The following ALK variants were observed in gnomAD, a reference collection of about 807,000 sequenced individuals.
The protein encoded by ALK is ALK tyrosine kinase receptor.
A neutral mutation model predicts 163.1 loss-of-function variants in ALK; 74 were observed. The observed-to-expected ratio is 0.45, with a 90% CI of 0.38 to 0.55. The LOEUF is 0.55. Ranked by LOEUF, ALK falls within the 20% of genes least tolerant of loss-of-function variation. ALK has a pLI of 0.00. For synonymous variants in ALK, 960 were observed against 843.2 expected (o/e 1.14, Z -2.40); for missense variants, 2,063 against 2,105.3 (o/e 0.98, Z 0.39).
chr2:29,208,895 G>C (rs987570445), intron 25 of ALK, among the ~76,000 whole-genome samples: 2 of 151,410 alleles, frequency 1.3e-5, no homozygotes, highest in Non-Finnish European at 2.9e-5. Context: ...AATTAAAGTA[G>C]TATTAGCTTT....
Position 29,473,370 on chromosome 2 carries a change from T to C in ALK, c.1154+58545A>G, listed in dbSNP as rs1425904514. 5.9e-5 allele frequency among the ~76,000 whole-genome samples: 9 copies of C among 152,174 alleles called. No individual in the cohort carries two copies. The East Asian group carries it at 7.7e-4, about 13-fold the overall frequency. ...ACAATAAAGTTTCTAGAAGATGACA[T>C]AGAAGAATATATTTATGATATCAAG... On this transcript the variant is annotated intron_variant, in intron 4 of 28. Coordinates refer to ENST00000389048, the MANE Select transcript of ALK (RefSeq NM_004304.5).
At chr2:29,525,555 G>C (rs1263925502) in intron 4 of ALK, among the ~76,000 whole-genome samples, 1 of 152,066 alleles carries the variant, frequency 6.6e-6, no homozygotes, top group Non-Finnish European at 1.5e-5. Context: ...ACTTTGGGAG[G>C]CTGAGGTGGG....
intron 1 of ALK, among the ~76,000 whole-genome samples, chr2:29,824,706 C>T (rs1558504912): frequency 6.6e-6 from 1 of 152,172 alleles, no homozygotes; most frequent in Non-Finnish European, 1.5e-5. Context: ...TGCCTGTACC[C>T]CCATTGTATC....
At chr2:29,329,776 A>G (rs1487256730) in intron 5 of ALK, among the ~76,000 whole-genome samples, 1 of 152,220 alleles carries the variant, frequency 6.6e-6, no homozygotes, top group Non-Finnish European at 1.5e-5. Flanking sequence ...TGAAACTAAC[A>G]TGAAGCCCAG....
chr2:29,687,521 T>C (rs1390990474), intron 3 of ALK, among the ~76,000 whole-genome samples: 2 of 152,084 alleles, frequency 1.3e-5, no homozygotes, highest in Non-Finnish European at 2.9e-5. Flanking sequence ...GATAATTTTT[T>C]ATTCCTTTGT....
chr2:29,561,227 T>A (rs148062601), intron 3 of ALK, among the ~76,000 whole-genome samples: 121 of 152,284 alleles, frequency 7.9e-4, no homozygotes, highest in African/African-American at 2.6e-3. Context: ...CTTTAGATGA[T>A]CCCACGATAG....
At chr2:29,459,310 C>T (rs1446351219) in intron 4 of ALK, among the ~76,000 whole-genome samples, 1 of 152,100 alleles carries the variant, frequency 6.6e-6, no homozygotes, top group East Asian at 1.9e-4. Flanking sequence ...CCAACATCCA[C>T]ATTTGAAGCA....
rs1664055330 is a variant in ALK, at chr2:29,227,826, G to T, written c.2816-154C>A. 6.6e-6 allele frequency among the ~76,000 whole-genome samples: 1 copy of T among 152,148 alleles called. No homozygotes were observed. Among genetic ancestry groups the T allele is most frequent in the African/African-American group, 2.4e-5 (1 of 41,422 alleles). ...TGCGGGGAGGGAAGGGAGGCTCAGG[G>T]CACAGAGGCTGCATGTGGGATTTGG... On this transcript the variant is annotated intron_variant, in intron 16 of 28. Coordinates refer to ENST00000389048, the MANE Select transcript of ALK (RefSeq NM_004304.5). This position sits in a 1 kb window ranked among gnomAD's most constrained non-coding sequence, Gnocchi z 4.4.
chr2:29,314,571 T>C (rs764839122), intron 8 of ALK, among the ~76,000 whole-genome samples: 61 of 152,044 alleles, frequency 4.0e-4, no homozygotes, highest in African/African-American at 1.3e-3. Flanking sequence ...AAAACCAGCA[T>C]TGAGGAACTG....
At chr2:29,588,035 G>A (rs1245798248) in intron 3 of ALK, among the ~76,000 whole-genome samples, 1 of 151,900 alleles carries the variant, frequency 6.6e-6, no homozygotes, top group African/African-American at 2.4e-5. Context: ...AGGAATTTCT[G>A]TCCCCATCCT....
intron 3 of ALK, among the ~76,000 whole-genome samples, chr2:29,649,892 C>A (rs1208723484): frequency 6.6e-6 from 1 of 152,128 alleles, no homozygotes; most frequent in African/African-American, 2.4e-5. Context: ...GATATGATAA[C>A]CCTAATATCT....
chr2:29,767,196 A>T (rs1487475367), intron 1 of ALK, among the ~76,000 whole-genome samples: 1 of 152,234 alleles, frequency 6.6e-6, no homozygotes, highest in Non-Finnish European at 1.5e-5. Context: ...TGAAGTGTTC[A>T]TTAGTAAGAA....
At chr2:29,390,169 G>A (rs1359865880) in intron 4 of ALK, among the ~76,000 whole-genome samples, 6 of 152,044 alleles carry the variant, frequency 3.9e-5, no homozygotes, top group African/African-American at 7.2e-5. Flanking sequence ...CTGTTTTTCC[G>A]AGGCTTTATT....
chr2:29,330,110 C>T (rs182361275), intron 5 of ALK, among the ~76,000 whole-genome samples: 310 of 152,296 alleles, frequency 2.0e-3, no homozygotes, highest in Middle Eastern at 0.01. Flanking sequence ...TGGGCATTCT[C>T]TGCAAATACT....
At chr2:29,847,722 T>C (rs1015600702) in intron 1 of ALK, among the ~76,000 whole-genome samples, 1 of 150,478 alleles carries the variant, frequency 6.6e-6, no homozygotes, top group Non-Finnish European at 1.5e-5. Flanking sequence ...CATTCGTTTA[T>C]AAACTTTATA....
intron 2 of ALK, among the ~76,000 whole-genome samples, chr2:29,705,282 A>ATCT (rs1558451342): frequency 2.9e-5 from 1 of 34,098 alleles, no homozygotes; most frequent in African/African-American, 1.3e-4. Flanking sequence ...TATATATATA[A>ATCT]ATATATATCT....
At chr2:29,865,463 T>C (rs916859084) in intron 1 of ALK, among the ~76,000 whole-genome samples, 2 of 152,200 alleles carry the variant, frequency 1.3e-5, no homozygotes, top group South Asian at 2.1e-4. Context: ...CCTATGTGGA[T>C]TGGCTTCTTT....
chr2:29,296,457 T>C (rs2148230593), intron 9 of ALK, among the ~76,000 whole-genome samples: 1 of 152,340 alleles, frequency 6.6e-6, no homozygotes, highest in East Asian at 1.9e-4. Context: ...ATAAGGCCTG[T>C]CCTACCTACC....
At chr2:29,774,743 A>G (rs999354558) in intron 1 of ALK, among the ~76,000 whole-genome samples, 17 of 152,236 alleles carry the variant, frequency 1.1e-4, no homozygotes, top group African/African-American at 4.1e-4. Flanking sequence ...TGCGAAAGGC[A>G]CCACTCTAGA....
Sources: gnomAD v4.1 joint callset for allele counts (sites outside exome capture counted in the v4.1 genomes callset) on GRCh38, gnomAD v4.1.1 for gene constraint, Gnocchi (gnomAD v3.1) non-coding constraint, MANE v1.5 for transcripts, NCBI Gene and HGNC (gene_info 2026-07-23, HGNC 2026-07-21) for gene names.